NRXN3: variants seen among roughly 807,000 people sequenced by gnomAD.
NRXN3 encodes neurexin 3, also known as neurexin III.
A neutral mutation model predicts 137.6 loss-of-function variants in NRXN3; 32 were observed. That is an observed-to-expected ratio of 0.23 (90% CI 0.18 to 0.31). The LOEUF (loss-of-function observed/expected upper bound fraction) is 0.31. Ranked by LOEUF, NRXN3 falls within the 10% of genes least tolerant of loss-of-function variation. The pLI is 1.00. For missense variants in NRXN3, 1,574 were observed against 2,062.5 expected (o/e 0.76, Z 4.59); for synonymous variants, 798 against 784.5 (o/e 1.02, Z -0.29).
At chr14:79,692,876 T>C (rs2098721551) in intron 18 of NRXN3, among the ~76,000 whole-genome samples, 1 of 152,054 alleles carries the variant, frequency 6.6e-6, no homozygotes, top group Non-Finnish European at 1.5e-5. Flanking sequence ...TGTGTCCTAG[T>C]TGCTGACTGA....
intron 1 of NRXN3, among the ~76,000 whole-genome samples, chr14:78,194,680 C>A (rs535873303): frequency 3.9e-5 from 6 of 152,092 alleles, no homozygotes; most frequent in Non-Finnish European, 7.4e-5. Context: ...TGGGGTGAGC[C>A]AGAATGAGCA....
At chr14:79,708,485 T>C (rs1424491787) in intron 19 of NRXN3, among the ~76,000 whole-genome samples, 2 of 142,068 alleles carry the variant, frequency 1.4e-5, no homozygotes, top group African/African-American at 5.4e-5. Context: ...CAATTTAAAC[T>C]GAGGTAAGAA....
At chr14:78,734,207 AC>A in intron 8 of NRXN3, among the ~76,000 whole-genome samples, 1 of 2,352 alleles carries the variant, frequency 4.3e-4, no homozygotes, top group Non-Finnish European at 9.5e-4. Context: ...TGCATCTGAA[AC>A]ACACACACAC....
intron 15 of NRXN3, among the ~76,000 whole-genome samples, chr14:79,342,895 A>G (rs74069735): frequency 0.013 from 1,991 of 152,246 alleles, 56 homozygotes; most frequent in African/African-American, 0.045. Context: ...CCGGAGTTTT[A>G]CTATTACTCA....
chr14:78,861,423 T>C (rs543044337), intron 10 of NRXN3, among the ~76,000 whole-genome samples: 1 of 152,264 alleles, frequency 6.6e-6, no homozygotes, highest in South Asian at 2.1e-4. Flanking sequence ...TTCTTTTTTC[T>C]TGGAATCCTG....
At chr14:79,279,039 C>G (rs1013465331) in intron 15 of NRXN3, among the ~76,000 whole-genome samples, 3 of 152,198 alleles carry the variant, frequency 2.0e-5, no homozygotes, top group African/African-American at 7.2e-5. Flanking sequence ...AAGGTGCCTT[C>G]ATGGCTGGAG....
At position 78,301,569 on chromosome 14, in the gene NRXN3, TG is replaced by T. The variant is rs570299344; in HGVS notation, c.757+3710del. ...GAGGTTAATTGATAAATTATAAATA[TG>T]TATCTACATCTAGTCTTCCCTGTTT... On this transcript the variant is annotated intron_variant, in intron 4 of 20. Coordinates refer to ENST00000335750, the MANE Select transcript of NRXN3 (RefSeq NM_001330195.2). 2.3e-3 allele frequency among the ~76,000 whole-genome samples: 344 copies of T among 152,326 alleles called. 1 individual carries two copies. Among genetic ancestry groups the T allele is most frequent in the African/African-American group, 8.0e-3 (332 of 41,580 alleles).
At chr14:78,464,962 A>T (rs537443302) in intron 4 of NRXN3, among the ~76,000 whole-genome samples, 4 of 152,334 alleles carry the variant, frequency 2.6e-5, no homozygotes, top group African/African-American at 9.6e-5. Context: ...TTAGATTTTC[A>T]CATGCTTTAT....
At chr14:78,321,079 G>A (rs2079294584) in intron 4 of NRXN3, among the ~76,000 whole-genome samples, 2 of 151,516 alleles carry the variant, frequency 1.3e-5, no homozygotes, top group African/African-American at 2.4e-5. Context: ...TCGCACCACT[G>A]CACTCCAGTC....
chr14:78,184,739 G>A (rs2060089112), intron 1 of NRXN3, among the ~76,000 whole-genome samples: 2 of 152,186 alleles, frequency 1.3e-5, no homozygotes, highest in South Asian at 4.1e-4. Flanking sequence ...ACCAGGAGTG[G>A]CTAGATGACT....
chr14:79,014,067 TA>T (rs1400752621), intron 15 of NRXN3, among the ~76,000 whole-genome samples: 4 of 152,170 alleles, frequency 2.6e-5, no homozygotes, highest in Non-Finnish European at 4.4e-5. Flanking sequence ...GCCTGAGAAG[TA>T]AAAAACCTCT....
intron 4 of NRXN3, among the ~76,000 whole-genome samples, chr14:78,519,930 T>C (rs1160804498): frequency 6.6e-6 from 1 of 152,194 alleles, no homozygotes; most frequent in Non-Finnish European, 1.5e-5. Context: ...ATACTAGGTA[T>C]GCAACAGTGA....
At chr14:79,520,260 A>G (rs916994908) in intron 16 of NRXN3, among the ~76,000 whole-genome samples, 2 of 151,958 alleles carry the variant, frequency 1.3e-5, no homozygotes, top group East Asian at 3.9e-4. Flanking sequence ...TCTTATTTTC[A>G]ACGTGATTAA....
intron 19 of NRXN3, among the ~76,000 whole-genome samples, chr14:79,753,461 A>G (rs61992360): frequency 0.017 from 2,501 of 151,496 alleles, 30 homozygotes; most frequent in Middle Eastern, 0.031. Flanking sequence ...TCAGCAAACT[A>G]TCGCAAGGAC....
Position 78,280,343 on chromosome 14 carries a change from A to G in NRXN3, c.727+1681A>G, listed in dbSNP as rs529484014. Among the ~76,000 whole-genome samples, 18 of 152,316 alleles carry G rather than the reference A, an allele frequency of 1.2e-4. No homozygotes were observed. The Middle Eastern group carries it at 0.017, about 144-fold the overall frequency. ...CATGTTATGTATATATTACATATGT[A>G]TAGTATCAGGGGGTGGATGGGAAGT... On this transcript the variant is annotated intron_variant, in intron 3 of 20. Coordinates refer to ENST00000335750, the MANE Select transcript of NRXN3 (RefSeq NM_001330195.2).
intron 15 of NRXN3, 60 bp from the exon 16 acceptor site, chr14:79,467,161 C>A: frequency 6.6e-7 from 1 of 1,505,012 alleles, no homozygotes; most frequent in Non-Finnish European, 9.1e-7. Context: ...CAACAGTGTG[C>A]TACAGCTGGC....
chr14:79,492,423 C>T (rs1251087914), intron 16 of NRXN3, among the ~76,000 whole-genome samples: 3 of 151,956 alleles, frequency 2.0e-5, no homozygotes, highest in Non-Finnish European at 2.9e-5. Context: ...CACTCTGTTG[C>T]CCAGGCTGGA....
chr14:78,520,436 G>A (rs571755734), intron 4 of NRXN3, among the ~76,000 whole-genome samples: 14 of 152,012 alleles, frequency 9.2e-5, no homozygotes, highest in African/African-American at 1.4e-4. Context: ...TACTTATTAC[G>A]TATTTATTGG....
chr14:79,006,122 G>A (rs1227465349), intron 15 of NRXN3, among the ~76,000 whole-genome samples: 1 of 152,192 alleles, frequency 6.6e-6, no homozygotes, highest in Non-Finnish European at 1.5e-5. Context: ...TCCTGGCAGA[G>A]TGTGAGAAGC....
Sources: gnomAD v4.1 joint callset for allele counts (sites outside exome capture counted in the v4.1 genomes callset) on GRCh38, gnomAD v4.1.1 for gene constraint, MANE v1.5 for transcripts, NCBI Gene and HGNC (gene_info 2026-07-23, HGNC 2026-07-21) for gene names.